Variants in MGAM observed in about 807,000 individuals in gnomAD.
MGAM encodes the protein alpha-1,4-glucosidase.
In MGAM, 253 loss-of-function variants were observed where a neutral mutation model predicts 358.8. The ratio of observed to expected loss-of-function variants is 0.71; its 90% CI spans 0.64 to 0.78. MGAM has a LOEUF of 0.78. Ranked by LOEUF, MGAM falls within the 30% of genes least tolerant of loss-of-function variation. The pLI, the probability that MGAM is intolerant of heterozygous loss-of-function variation, is 0.00. For missense variants in MGAM, 3,080 were observed against 3,432.6 expected, an observed-to-expected ratio of 0.90 and a Z score of 2.57; for synonymous variants, 1,105 against 1,227.1, an observed-to-expected ratio of 0.90 and a Z score of 2.08.
intron 7 of MGAM, among the ~76,000 whole-genome samples, chr7:142,024,343 G>C (rs578211246): frequency 1.3e-5 from 2 of 151,970 alleles, no homozygotes; most frequent in Admixed American, 6.6e-5. Context: ...GAGCCTGGGA[G>C]GTGGAGGTTA....
intron 2 of MGAM, among the ~76,000 whole-genome samples, chr7:141,989,081 TGTGA>T (rs1441664889): frequency 2.7e-5 from 4 of 148,746 alleles, no homozygotes; most frequent in Admixed American, 6.6e-5. Context: ...GCCATGTGCT[TGTGA>T]GTGTGTGTGT....
At chr7:142,085,999 G>A in intron 55 of MGAM, 38 bp downstream of exon 55, 1 of 1,545,192 alleles carries the variant, frequency 6.5e-7, no homozygotes, top group Non-Finnish European at 8.9e-7. Context: ...CTGTTTGGGA[G>A]CAGGTATGGG....
intron 5 of MGAM, 51 bp from the exon 6 acceptor site, chr7:142,021,535 G>A (rs1448011832): frequency 3.8e-6 from 6 of 1,569,718 alleles, no homozygotes; most frequent in Admixed American, 1.8e-5. Flanking sequence ...ATATTGGGAA[G>A]CTCTGACAAG....
chr7:142,083,887 G>T (rs1438161232), intron 53 of MGAM, among the ~76,000 whole-genome samples: 2 of 142,046 alleles, frequency 1.4e-5, no homozygotes, highest in African/African-American at 5.1e-5. Context: ...GTTTGATAGT[G>T]ATGGTGGTGG....
rs782615480 is a variant in MGAM, at chr7:142,031,711, A to G, written c.1502A>G (p.Tyr501Cys). Residue 501 changes from tyrosine to cysteine, a missense_variant, in exon 13 of 71, where the codon TAT (tyrosine) becomes TGT (cysteine). Tyr to Cys is a radical substitution (Grantham distance 194, BLOSUM62 -2). Transcript: ENST00000475668. ...VWPGQTVFPD[Y>C]TNPNCAVWWT... ...CCTGGACAAACTGTGTTTCCTGATT[A>G]TACCAATCCCAACTGTGCTGTTTGG... is the stretch of plus-strand genomic sequence containing the variant. 4.3e-6 allele frequency: 7 copies of G among 1,613,082 alleles called. No individual in the cohort carries two copies. The highest frequency in any genetic ancestry group is 1.3e-5 in the African/African-American group (1 of 74,886).
At chr7:142,030,572 A>G (rs1807391254) in intron 11 of MGAM, 69 bp from the exon 12 acceptor site, 2 of 1,606,160 alleles carry the variant, frequency 1.2e-6, no homozygotes, top group South Asian at 2.2e-5. Flanking sequence ...TTTCTCCCCC[A>G]GTTCCCAGTC....
At position 142,019,348 on chromosome 7, in the gene MGAM, G is replaced by T. The variant is rs782374827; in HGVS notation, c.448+29G>T. ...AGCCAGAGTCTGCCATGATGCAGGA[G>T]GTCCAGACCCTCTGGAGGTTGACTC... On this transcript the variant is annotated intron_variant, in intron 4 of 70. Coordinates refer to ENST00000475668, the MANE Select transcript of MGAM (RefSeq NM_001365693.1). 1.9e-6 allele frequency: 3 copies of T among 1,607,042 alleles called. No individual in the cohort carries two copies. The South Asian group carries it at 3.3e-5, about 18-fold the overall frequency.
chr7:142,041,905 T>TACTA lies in MGAM; in HGVS notation c.2498+1059_2498+1060insACTA, dbSNP rs569378566. On this transcript the variant is annotated intron_variant, in intron 21 of 70. Transcript: ENST00000475668. ...ATACGTATAATATATAATATATATA[T>TACTA]TATATATATACGTATAATATATAAT... Among the ~76,000 whole-genome samples, 4 of 26,724 alleles carry TACTA rather than the reference T, an allele frequency of 1.5e-4. 1 individual carries two copies. The highest frequency in any genetic ancestry group is 3.8e-4 in the African/African-American group (4 of 10,664). The allele number at this position is 26,724 out of a possible 152,430, so 17.5% of individuals were successfully genotyped here.
intron 70 of MGAM, among the ~76,000 whole-genome samples, chr7:142,104,453 T>C (rs1263606280): frequency 2.6e-5 from 4 of 152,196 alleles, no homozygotes; most frequent in Non-Finnish European, 5.9e-5. Flanking sequence ...TACAAATTGG[T>C]TAAGATATTT....
chr7:142,055,501 C>T, intron 27 of MGAM, 57 bp from the exon 28 acceptor site: 1 of 1,606,624 alleles, frequency 6.2e-7, no homozygotes, highest in East Asian at 2.2e-5. Context: ...AAGTCACCTG[C>T]TGGAAACAGA....
chr7:142,046,099 T>G (rs1285615313), intron 21 of MGAM, among the ~76,000 whole-genome samples: 17 of 139,922 alleles, frequency 1.2e-4, no homozygotes, highest in Non-Finnish European at 2.3e-4. Context: ...TGTAATTATA[T>G]ATTTATTTTT....
In MGAM at chr7:142,045,984, G is replaced by GTAATATATATTATA. The variant is rs1563160003; in HGVS notation, c.2499-1799_2499-1798insATATATATTATATA. ...ACATACAATATGTAATATATATTATGTATACATACAATATGTAATATATAT... is the reference window on the plus strand; with the variant it reads ...ACATACAATATGTAATATATATTATGTAATATATATTATATATACATACAATATGTAATATATAT... On this transcript the variant is annotated intron_variant, in intron 21 of 70. Transcript: ENST00000475668. 1.6e-4 allele frequency among the ~76,000 whole-genome samples: 6 copies of GTAATATATATTATA among 36,428 alleles called. 1 individual carries two copies. The highest frequency in any genetic ancestry group is 5.1e-4 in the Non-Finnish European group (6 of 11,816). 23.9% of individuals were successfully genotyped at this position (36,428 alleles called of 152,430 possible).
In MGAM at chr7:142,044,057, A is replaced by ACG. The variant is rs1281214413; in HGVS notation, c.2498+3212_2498+3213insGC. Among the ~76,000 whole-genome samples the ACG allele has an allele frequency of 7.2e-3, 1,004 of 139,636 alleles. 283 individuals are homozygous for ACG. The highest frequency in any genetic ancestry group is 0.011 in the Non-Finnish European group (709 of 64,392). 91.6% of individuals were successfully genotyped at this position (139,636 alleles called of 152,430 possible). A position where few individuals can be genotyped will look rare whatever the true frequency, so the allele number is the denominator to read the frequency against. On this transcript the variant is annotated intron_variant, in intron 21 of 70. Transcript: ENST00000475668. ...ACGACGTATAATATATACATTATATACACATACGACGTATAATACATTATA... is the reference window on the plus strand; with the variant it reads ...ACGACGTATAATATATACATTATATACGCACATACGACGTATAATACATTATA...
At position 142,036,221 on chromosome 7, in the gene MGAM, G is replaced by T. The variant is rs370644495; in HGVS notation, c.2012G>T (p.Arg671Met). ...TTGGACACCCCTGAGGAGCTCTGTA[G>T]GCGGTGGATGCAGTTGGGTGCATTT... ...FALDTPEELC[R>M]RWMQLGAFYP... The change falls in exon 17 of 71, where the codon AGG becomes ATG. Residue 671 changes from arginine (R) to methionine (M), a missense_variant. Transcript: ENST00000475668. The T allele has an allele frequency of 4.8e-5, 78 of 1,612,542 alleles. No individual in the cohort carries two copies. The African/African-American group carries it at 8.5e-4, about 18-fold the overall frequency.
chr7:142,059,328 G>A, intron 31 of MGAM, 144 bp from the exon 32 acceptor site: 1 of 1,381,928 alleles, frequency 7.2e-7, no homozygotes, highest in Non-Finnish European at 9.7e-7. Flanking sequence ...CCCAGCACCT[G>A]TACCTAACAA....
At chr7:142,062,770 C>G in intron 35 of MGAM, 68 bp downstream of exon 35, 1 of 1,587,232 alleles carries the variant, frequency 6.3e-7, no homozygotes, top group Non-Finnish European at 8.6e-7. Flanking sequence ...GTATATGTAC[C>G]ACTGACCTTC....
intron 50 of MGAM, among the ~76,000 whole-genome samples, chr7:142,081,312 G>A (rs1814250398): frequency 1.4e-5 from 2 of 146,150 alleles, no homozygotes; most frequent in Non-Finnish European, 3.1e-5. Flanking sequence ...TTGCTGTGTA[G>A]CCAAAAGAGC....
chr7:141,990,462 G>A (rs1033841812), intron 2 of MGAM, among the ~76,000 whole-genome samples: 4 of 152,090 alleles, frequency 2.6e-5, no homozygotes, highest in South Asian at 4.2e-4. Context: ...AATCTATCTC[G>A]TGCTTATGAC....
At chr7:142,043,913 GTATAATATA>G (rs1809501808) in intron 21 of MGAM, among the ~76,000 whole-genome samples, 2 of 110,618 alleles carry the variant, frequency 1.8e-5, no homozygotes, top group African/African-American at 7.9e-5. Flanking sequence ...CACATACGAC[GTATAATATA>G]TACATTATAT....
Sources: gnomAD v4.1 joint callset for allele counts (sites outside exome capture counted in the v4.1 genomes callset) on GRCh38, gnomAD v4.1.1 for gene constraint, MANE v1.5 for transcripts, NCBI Gene and HGNC (gene_info 2026-07-23, HGNC 2026-07-21) for gene names.